The following MYRF variants were observed in gnomAD, a reference collection of about 807,000 sequenced individuals.
The protein encoded by MYRF is myelin regulatory factor, also known as myelin gene regulatory factor.
MYRF carries 16 observed loss-of-function variants against 126.3 expected under a neutral mutation model. The observed-to-expected ratio is 0.13, with a 90% CI of 0.09 to 0.19. MYRF has a LOEUF of 0.19. Ranked by LOEUF, MYRF falls within the 10% of genes least tolerant of loss-of-function variation. The pLI, the probability that MYRF is intolerant of heterozygous loss-of-function variation, is 1.00. For missense variants in MYRF, 1,104 were observed against 1,547.0 expected (o/e 0.71, Z 4.80); for synonymous variants, 608 against 635.3 (o/e 0.96, Z 0.65).
chr11:61,753,697 C>A (rs1451110723), intron 1 of MYRF, among the ~76,000 whole-genome samples: 1 of 152,022 alleles, frequency 6.6e-6, no homozygotes, highest in Non-Finnish European at 1.5e-5. Flanking sequence ...GACATACACC[C>A]CATAATATCT....
intron 1 of MYRF, among the ~76,000 whole-genome samples, chr11:61,762,079 A>T (rs2135719421): frequency 6.6e-6 from 1 of 152,332 alleles, no homozygotes; most frequent in Middle Eastern, 3.4e-3. Context: ...CATTTAAGAC[A>T]AAACCTAAAG....
At chr11:61,752,811 G>A in intron 1 of MYRF, 21 bp downstream of exon 1, 4 of 1,485,806 alleles carry the variant, frequency 2.7e-6, no homozygotes, top group Non-Finnish European at 3.6e-6. Context: ...GCGGGCTGGC[G>A]GCGGCGACCC....
rs111921844 is a variant in MYRF at position 61,781,837 on chromosome 11, C to T, written c.3016+13C>T. 1.1e-5 allele frequency: 17 copies of T among 1,525,622 alleles called. 1 individual carries two copies. The highest frequency in any genetic ancestry group is 9.7e-5 in the African/African-American group (7 of 72,296). 94.5% of individuals were successfully genotyped at this position (1,525,622 alleles called of 1,614,324 possible). On this transcript the variant is annotated intron_variant, in intron 22 of 26. Transcript: ENST00000278836. The stretch of plus-strand genomic sequence containing the variant: ...CAGGGCCAGTCAGGTACTTGCTGCA[C>T]CCCTGACACTACCCAGCCCAGCCTG...
rs575292199 is a variant in MYRF, at chr11:61,762,703, C to T, written c.47-2922C>T. ...TGTGGTTCACGGGCGGGCTGGGGGC[C>T]GAGCGGCGTGGGAAAGAGACGACGC... is the stretch of plus-strand genomic sequence containing the variant. On this transcript the variant is annotated intron_variant, in intron 1 of 26. Transcript: ENST00000278836. 3.1e-3 allele frequency among the ~76,000 whole-genome samples: 467 copies of T among 152,240 alleles called. 6 individuals are homozygous for T. The highest frequency in any genetic ancestry group is 0.014 in the Middle Eastern group (4 of 292).
At chr11:61,781,088 T>C (rs1565304481) in intron 20 of MYRF, 43 bp downstream of exon 20, 2 of 1,611,062 alleles carry the variant, frequency 1.2e-6, no homozygotes, top group Non-Finnish European at 8.5e-7. Context: ...GAGGTTGCTA[T>C]GTTCTGTCTT....
chr11:61,782,045 T>C, intron 22 of MYRF: 5 of 520,456 alleles, frequency 9.6e-6, no homozygotes, highest in African/African-American at 1.9e-5. Context: ...TTGTTCCTAT[T>C]GTTCAGCTGA....
At chr11:61,781,998 A>C in intron 22 of MYRF, 174 bp downstream of exon 22, 1 of 680,054 alleles carries the variant, frequency 1.5e-6, no homozygotes, top group Non-Finnish European at 2.3e-6. Flanking sequence ...AGATCATCCC[A>C]TTTAGTCCTC....
rs553434196 is a variant in MYRF, at chr11:61,788,491, A to T, written c.*2348A>T. 3.3e-5 allele frequency: 5 copies of T among 152,280 alleles called. No individual in the cohort carries two copies. In the South Asian group the frequency reaches 1.0e-3, roughly 32 times the overall value. 9.4% of individuals were successfully genotyped at this position (152,280 alleles called of 1,614,324 possible). A position where few individuals can be genotyped will look rare whatever the true frequency, so the allele number is the denominator to read the frequency against. On this transcript the variant is annotated 3_prime_UTR_variant, in exon 27 of 27. Transcript: ENST00000278836. ...CTGAAGTAAATATACATATATAAAT[A>T]AATGTATAAATACTGCTTTGTATCT...
chr11:61,783,376 G>A lies in MYRF; in HGVS notation c.3017-122G>A. The A allele has an allele frequency of 1.3e-6, 1 of 773,994 alleles. No homozygotes were observed. Among genetic ancestry groups the A allele is most frequent in the East Asian group, 2.5e-5 (1 of 40,300 alleles). 47.9% of individuals were successfully genotyped at this position (773,994 alleles called of 1,614,324 possible). Reference sequence around the variant, plus strand: ...TGATGCTGGCCATTGTGGAGGTCTGGAAAAAAATAACCTGGAACTTATTCA... The same window carrying A: ...TGATGCTGGCCATTGTGGAGGTCTGAAAAAAAATAACCTGGAACTTATTCA... On this transcript the variant is annotated intron_variant, in intron 22 of 26. Transcript: ENST00000278836. This position sits in a 1 kb window ranked among gnomAD's most constrained non-coding sequence, Gnocchi z 4.6.
rs940234918 is a variant in MYRF, at chr11:61,778,216, G to A, written c.1904-164G>A. 6.6e-6 allele frequency among the ~76,000 whole-genome samples: 1 copy of A among 152,096 alleles called. No homozygotes were observed. The highest frequency in any genetic ancestry group is 2.4e-5 in the African/African-American group (1 of 41,396). ...CTGAGCCCTGGAATTGCAATCCTGT[G>A]AACACTGGTTCGTGGGATCTCCCTG... On this transcript the variant is annotated intron_variant, in intron 13 of 26. Transcript: ENST00000278836. This position sits in a 1 kb window ranked among gnomAD's most constrained non-coding sequence, Gnocchi z 4.6.
At position 61,778,289 on chromosome 11, in the gene MYRF, C is replaced by G; in HGVS notation, c.1904-91C>G. 2 of 873,122 alleles carry G rather than the reference C, an allele frequency of 2.3e-6. No individual in the cohort carries two copies. The highest frequency in any genetic ancestry group is 3.9e-6 in the Non-Finnish European group (2 of 514,470). The allele number at this position is 873,122 out of a possible 1,614,324, so 54.1% of individuals were successfully genotyped here. ...AATCTCTGGGTTCCAGAACTTCACCCTCTCCAGTCTTGCTCCCACTGTACA... is the reference window on the plus strand; with the variant it reads ...AATCTCTGGGTTCCAGAACTTCACCGTCTCCAGTCTTGCTCCCACTGTACA... On this transcript the variant is annotated intron_variant, in intron 13 of 26. Transcript: ENST00000278836. This position sits in a 1 kb window ranked among gnomAD's most constrained non-coding sequence, Gnocchi z 4.6.
chr11:61,761,213 C>T lies in MYRF; in HGVS notation c.47-4412C>T, dbSNP rs989459162. Among the ~76,000 whole-genome samples the T allele has an allele frequency of 2.9e-4, 42 of 145,734 alleles. 1 individual carries two copies. The highest frequency in any genetic ancestry group is 6.6e-4 in the East Asian group (3 of 4,568). ...ACTGTGCCGTGTCCCCACCCTCCCC[C>T]GTTCCCCGGGACAATGGCCGAGACT... On this transcript the variant is annotated intron_variant, in intron 1 of 26. Coordinates refer to ENST00000278836, the MANE Select transcript of MYRF (RefSeq NM_001127392.3).
chr11:61,776,042 T>C lies in MYRF; in HGVS notation c.1312-14T>C. ...AGCCCCATCCTGAGGTGCCACTGGC[T>C]TCACTCCCCACAGCTGGAGGCCCTG... On this transcript the variant is annotated splice_polypyrimidine_tract_variant and intron_variant, in intron 8 of 26. Coordinates refer to ENST00000278836, the MANE Select transcript of MYRF (RefSeq NM_001127392.3). The surrounding 1 kb of genome is among the most constrained non-coding windows in gnomAD (Gnocchi z 4.3). 1 of 1,613,686 alleles carries C rather than the reference T, an allele frequency of 6.2e-7. No homozygotes were observed. The highest frequency in any genetic ancestry group is 1.1e-5 in the South Asian group (1 of 91,086).
chr11:61,763,271 T>C (rs190331739), intron 1 of MYRF, among the ~76,000 whole-genome samples: 1 of 152,294 alleles, frequency 6.6e-6, no homozygotes, highest in Admixed American at 6.5e-5. Context: ...AGACTTGACC[T>C]CTCTGAACAG....
chr11:61,775,184 G>A (rs1000478188), intron 8 of MYRF, among the ~76,000 whole-genome samples: 1 of 152,152 alleles, frequency 6.6e-6, no homozygotes, highest in Non-Finnish European at 1.5e-5. Context: ...TGCCCCACTT[G>A]AGACTCAGGG....
chr11:61,757,326 G>T lies in MYRF; in HGVS notation c.46+4536G>T. ...CCTGCTTACCCACAGTGCTTCTCTT[G>T]GCCGTATCAGGGCACCGCTGTGCCT... On this transcript the variant is annotated intron_variant, in intron 1 of 26. Coordinates refer to ENST00000278836, the MANE Select transcript of MYRF (RefSeq NM_001127392.3). This position sits in a 1 kb window ranked among gnomAD's most constrained non-coding sequence, Gnocchi z 4.7. 1 of 456,460 alleles carries T rather than the reference G, an allele frequency of 2.2e-6. No homozygotes were observed. Among genetic ancestry groups the T allele is most frequent in the Non-Finnish European group, 4.4e-6 (1 of 226,886 alleles). 28.3% of individuals were successfully genotyped at this position (456,460 alleles called of 1,614,324 possible).
At position 61,773,364 on chromosome 11, in the gene MYRF, G is replaced by A. The variant is rs1485310073; in HGVS notation, c.1116-603G>A. On this transcript the variant is annotated intron_variant, in intron 7 of 26. Transcript: ENST00000278836. ...GGACACTAAACCCAGCAACAGATGG[G>A]CAAACTGAGGCTGAGTCTGAGGGAG... 3.3e-5 allele frequency among the ~76,000 whole-genome samples: 5 copies of A among 152,282 alleles called. 1 individual carries two copies. In the Middle Eastern group the frequency reaches 0.01, roughly 311 times the overall value.
chr11:61,771,530 G>A lies in MYRF; in HGVS notation c.771G>A (p.Lys257=). Residue 257 remains lysine (K), a synonymous_variant, in exon 6 of 27, where the codon AAG becomes AAA. Coordinates refer to ENST00000278836, the MANE Select transcript of MYRF (RefSeq NM_001127392.3). ...ELPTHPSKKR[K]HSESPPSTLN... is the part of the protein sequence containing the mutation. ...CTACACACCCCTCCAAGAAGAGGAA[G>A]CACTCTGAATCCCCCCCCAGCACCC... is the stretch of plus-strand genomic sequence containing the variant. The A allele has an allele frequency of 1.2e-6, 2 of 1,613,832 alleles. No individual in the cohort carries two copies. Among genetic ancestry groups the A allele is most frequent in the Non-Finnish European group, 1.7e-6 (2 of 1,179,892 alleles).
In MYRF at chr11:61,757,502, G is replaced by A. The variant is rs198460; in HGVS notation, c.46+4712G>A. Reference sequence around the variant, plus strand: ...TCTGCGCCCTACCTTGAAGATTACTGGTCCCCAGGGTAGGTCAGTGCCCCT... The same window carrying A: ...TCTGCGCCCTACCTTGAAGATTACTAGTCCCCAGGGTAGGTCAGTGCCCCT... On this transcript the variant is annotated intron_variant, in intron 1 of 26. Coordinates refer to ENST00000278836, the MANE Select transcript of MYRF (RefSeq NM_001127392.3). The surrounding 1 kb of genome is among the most constrained non-coding windows in gnomAD (Gnocchi z 4.7). The A allele has an allele frequency of 0.47, 215,615 of 455,966 alleles. 52,097 individuals are homozygous for A. The highest frequency in any genetic ancestry group is 0.57 in the Middle Eastern group (1,739 of 3,074). 28.2% of individuals were successfully genotyped at this position (455,966 alleles called of 1,614,324 possible). A position where few individuals can be genotyped will look rare whatever the true frequency, so the allele number is the denominator to read the frequency against.
Sources: gnomAD v4.1 joint callset for allele counts (sites outside exome capture counted in the v4.1 genomes callset) on GRCh38, gnomAD v4.1.1 for gene constraint, Gnocchi (gnomAD v3.1) non-coding constraint, MANE v1.5 for transcripts, NCBI Gene and HGNC (gene_info 2026-07-23, HGNC 2026-07-21) for gene names.